Variants in NCOR2 observed in about 807,000 individuals in gnomAD.
NCOR2 encodes the protein nuclear receptor corepressor 2.
Under a neutral mutation model 262.9 loss-of-function variants are expected in NCOR2, and 81 were observed. The ratio of observed to expected loss-of-function variants is 0.31; its 90% CI spans 0.26 to 0.37. The LOEUF is 0.37. NCOR2 is among the 10% of genes least tolerant of loss of function. NCOR2 has a pLI of 1.00. For missense variants in NCOR2, 3,385 were observed against 3,621.4 expected, an observed-to-expected ratio of 0.93 and a Z score of 1.68; for synonymous variants, 1,659 against 1,559.3, an observed-to-expected ratio of 1.06 and a Z score of -1.51.
chr12:124,479,508 C>A (rs546812419), intron 3 of NCOR2, among the ~76,000 whole-genome samples: 2 of 151,552 alleles, frequency 1.3e-5, no homozygotes, highest in Non-Finnish European at 2.9e-5. Flanking sequence ...CGCGCATACA[C>A]ACGCACATGC....
chr12:124,370,293 G>T (rs1186582980), intron 20 of NCOR2, among the ~76,000 whole-genome samples: 1 of 152,244 alleles, frequency 6.6e-6, no homozygotes, highest in African/African-American at 2.4e-5. Context: ...CACACGCATG[G>T]GCGCGGTTCC....
At chr12:124,562,223 G>C (rs1227372679) in intron 1 of NCOR2, 1 of 152,150 alleles carries the variant, frequency 6.6e-6, no homozygotes, top group Non-Finnish European at 1.5e-5. Context: ...CAGTGGCAGG[G>C]ACCCACTTTT....
chr12:124,331,017 A>G, intron 43 of NCOR2, 119 bp from the exon 46 acceptor site: 1 of 991,744 alleles, frequency 1.0e-6, no homozygotes, highest in Non-Finnish European at 1.5e-6. Context: ...TGTGCATTGC[A>G]GGTTCTCATG....
At chr12:124,500,429 T>C (rs1231002058) in intron 1 of NCOR2, among the ~76,000 whole-genome samples, 6 of 152,298 alleles carry the variant, frequency 3.9e-5, no homozygotes, top group Non-Finnish European at 2.9e-5. Flanking sequence ...ACATTCCCTG[T>C]TCCCGGCCAC....
intron 10 of NCOR2, among the ~76,000 whole-genome samples, chr12:124,427,493 C>T (rs780750738): frequency 3.9e-5 from 6 of 152,228 alleles, no homozygotes; most frequent in Non-Finnish European, 7.3e-5. Context: ...TACCCATCTC[C>T]GGAGGTAGGC....
chr12:124,346,951 TC>T, intron 30 of NCOR2, 101 bp from the exon 33 acceptor site: 2 of 1,329,348 alleles, frequency 1.5e-6, no homozygotes, highest in Non-Finnish European at 2.0e-6. Flanking sequence ...TGAGTTCAAA[TC>T]CCCACTTGCT....
exon 23 of NCOR2, chr12:124,356,777 C>G: frequency 6.8e-7 from 1 of 1,474,438 alleles, no homozygotes; most frequent in Non-Finnish European, 8.9e-7. Flanking sequence ...GCCTCGGCTG[C>G]GAAGGCTGGG....
intron 17 of NCOR2, among the ~76,000 whole-genome samples, chr12:124,380,265 G>T (rs1022771855): frequency 1.3e-5 from 2 of 152,164 alleles, no homozygotes; most frequent in Non-Finnish European, 2.9e-5. Context: ...CCAAGCCCCA[G>T]CCACAGGCAG....
chr12:124,517,585 G>C lies in NCOR2; in HGVS notation c.-118+17980C>G, dbSNP rs1018365964. ...GCTCTCCCCTGCCTGAGCCCACCGCGGAGCCCCAGGGCAGAGCCTCGGGAG... is the reference window on the plus strand; with the variant it reads ...GCTCTCCCCTGCCTGAGCCCACCGCCGAGCCCCAGGGCAGAGCCTCGGGAG... On this transcript the variant is annotated intron_variant, in intron 1 of 46. Coordinates refer to the NCOR2 transcript ENST00000404621. This position sits in a 1 kb window ranked among gnomAD's most constrained non-coding sequence, Gnocchi z 7.6. Among the ~76,000 whole-genome samples the C allele has an allele frequency of 4.6e-5, 7 of 152,154 alleles. No individual in the cohort carries two copies. Among genetic ancestry groups the C allele is most frequent in the Admixed American group, 4.6e-4 (7 of 15,284 alleles).
Position 124,363,666 on chromosome 12 carries a change from G to C in NCOR2, c.2928+13C>G. 4 of 1,371,256 alleles carry C rather than the reference G, an allele frequency of 2.9e-6. No homozygotes were observed. Among genetic ancestry groups the C allele is most frequent in the Non-Finnish European group, 2.9e-6 (3 of 1,052,496 alleles). The allele number at this position is 1,371,256 out of a possible 1,614,324, so 84.9% of individuals were successfully genotyped here. A position where few individuals can be genotyped will look rare whatever the true frequency, so the allele number is the denominator to read the frequency against. On this transcript the variant is annotated intron_variant, in intron 21 of 46. Transcript: ENST00000405201. ...AGGGTGGACTCTGTGGGGCTCTGGG[G>C]GTGGGCACTCACGATGGGGGGGATG...
At chr12:124,387,023 C>T (rs1021506888) in intron 16 of NCOR2, among the ~76,000 whole-genome samples, 2 of 152,246 alleles carry the variant, frequency 1.3e-5, no homozygotes, top group Non-Finnish European at 2.9e-5. Flanking sequence ...TCACGTAGCT[C>T]GGGACATGGC....
intron 16 of NCOR2, among the ~76,000 whole-genome samples, chr12:124,391,473 T>C (rs1236353221): frequency 6.9e-6 from 1 of 144,420 alleles, no homozygotes; most frequent in Non-Finnish European, 1.5e-5. Flanking sequence ...GTCATGCCAC[T>C]TCCTCATTTC....
chr12:124,555,619 C>T (rs551726081), intron 1 of NCOR2, among the ~76,000 whole-genome samples: 284 of 152,318 alleles, frequency 1.9e-3, no homozygotes, highest in Middle Eastern at 0.017. Context: ...AGGGGCCCCC[C>T]ACCATTCCCA....
chr12:124,415,654 G>A (rs1472801458), intron 13 of NCOR2, among the ~76,000 whole-genome samples: 1 of 152,246 alleles, frequency 6.6e-6, no homozygotes, highest in Non-Finnish European at 1.5e-5. Flanking sequence ...GAGCAGACAA[G>A]CATCATTTCC....
At chr12:124,490,408 AGATGGATG>A (rs750414709) in intron 1 of NCOR2, among the ~76,000 whole-genome samples, 9,736 of 126,264 alleles carry the variant, frequency 0.077, 340 homozygotes, top group Middle Eastern at 0.17. Flanking sequence ...AGTATTTGCC[AGATGGATG>A]GATGGATGGA....
chr12:124,351,262 A>G (rs2037435053), intron 27 of NCOR2, among the ~76,000 whole-genome samples: 1 of 152,174 alleles, frequency 6.6e-6, no homozygotes, highest in Non-Finnish European at 1.5e-5. Context: ...CACGTCATGC[A>G]CTTTGGTTTC....
intron 33 of NCOR2, 111 bp from the exon 36 acceptor site, chr12:124,342,185 A>G (rs572508684): frequency 6.8e-6 from 9 of 1,313,956 alleles, no homozygotes; most frequent in African/African-American, 5.9e-5. Context: ...TCTCCCACCT[A>G]CATGTGTGGC....
intron 1 of NCOR2, among the ~76,000 whole-genome samples, chr12:124,529,159 A>G (rs368052282): frequency 7.6e-6 from 1 of 130,814 alleles, no homozygotes; most frequent in Non-Finnish European, 1.6e-5. Context: ...AGCCTGCACG[A>G]TAAGAGCGAA....
chr12:124,486,714 A>C, intron 1 of NCOR2, 146 bp from the exon 4 acceptor site: 6 of 1,070,958 alleles, frequency 5.6e-6, no homozygotes, highest in Non-Finnish European at 7.7e-6. Context: ...AGGGAACCTC[A>C]GGGACCGTCT....
Sources: allele counts gnomAD v4.1 joint callset (sites outside exome capture counted in the v4.1 genomes callset), GRCh38; gene constraint gnomAD v4.1.1; non-coding constraint Gnocchi (gnomAD v3.1); transcripts MANE v1.5; gene names NCBI Gene and HGNC (gene_info 2026-07-23, HGNC 2026-07-21).